Variants in SYNE1 observed in about 807,000 individuals in gnomAD.
SYNE1 encodes the protein nesprin-1.
Under a neutral mutation model 1,111.0 loss-of-function variants are expected in SYNE1, and 616 were observed. The observed-to-expected ratio is 0.55, with a 90% CI of 0.52 to 0.59. SYNE1 has a LOEUF of 0.59. Among genes scored for constraint, SYNE1 ranks in the 20% least tolerant of loss-of-function variants. SYNE1 has a pLI of 0.00. For synonymous variants in SYNE1, 3,855 were observed against 3,825.8 expected, an observed-to-expected ratio of 1.01 and a Z score of -0.28; for missense variants, 10,006 against 10,417.0, an observed-to-expected ratio of 0.96 and a Z score of 1.72.
chr6:152,263,055 G>A (rs1031739097), intron 100 of SYNE1, among the ~76,000 whole-genome samples: 2 of 151,342 alleles, frequency 1.3e-5, no homozygotes, highest in Non-Finnish European at 2.9e-5. Flanking sequence ...TACAGGACAT[G>A]GAGAGATAGT....
At chr6:152,448,840 A>AC (rs2098619558) in intron 28 of SYNE1, among the ~76,000 whole-genome samples, 2 of 149,170 alleles carry the variant, frequency 1.3e-5, no homozygotes, top group Admixed American at 6.6e-5. Context: ...CCTTGTCTCA[A>AC]AAAACAAACA....
Position 152,330,582 on chromosome 6 carries a change from G to A in SYNE1, c.14103C>T (p.Pro4701=), listed in dbSNP as rs772247507. ...EAQFLRMSKV[P]TDLAVEEALS... ...GAGCCTCCTCAACGGCCAGGTCGGT[G>A]GGAACTTTGCTCATCCTCAAGAATT... is the stretch of plus-strand genomic sequence containing the variant. Residue 4701 remains proline, a synonymous_variant, in exon 78 of 146, where the codon CCC becomes CCT. Coordinates refer to ENST00000367255, the MANE Select transcript of SYNE1 (RefSeq NM_182961.4). The A allele has an allele frequency of 6.2e-6, 10 of 1,613,664 alleles. No individual in the cohort carries two copies. Among genetic ancestry groups the A allele is most frequent in the South Asian group, 1.1e-5 (1 of 91,074 alleles).
At chr6:152,279,248 C>CA (rs2093862424) in intron 97 of SYNE1, among the ~76,000 whole-genome samples, 1 of 118,688 alleles carries the variant, frequency 8.4e-6, no homozygotes. Flanking sequence ...AGACTTAAAA[C>CA]AAAAAACAAA....
At chr6:152,480,555 A>G (rs2098885360) in intron 14 of SYNE1, among the ~76,000 whole-genome samples, 1 of 152,192 alleles carries the variant, frequency 6.6e-6, no homozygotes, top group African/African-American at 2.4e-5. Context: ...TTTCACCCTC[A>G]AAGCTTAGCT....
chr6:152,485,967 C>G (rs922269923), intron 12 of SYNE1, among the ~76,000 whole-genome samples: 1 of 152,032 alleles, frequency 6.6e-6, no homozygotes, highest in Admixed American at 6.5e-5. Context: ...GAGATCGAGG[C>G]GGGCGGATCA....
At chr6:152,306,780 G>A (rs1271646525) in intron 91 of SYNE1, among the ~76,000 whole-genome samples, 1 of 151,108 alleles carries the variant, frequency 6.6e-6, no homozygotes, top group African/African-American at 2.4e-5. Flanking sequence ...CCAAATACTT[G>A]GAGGCTGAGG....
chr6:152,474,054 G>A (rs896247713), intron 14 of SYNE1, among the ~76,000 whole-genome samples: 6 of 151,866 alleles, frequency 4.0e-5, no homozygotes, highest in African/African-American at 1.5e-4. Context: ...GCATGGTGGC[G>A]TGCACCTGTA....
Position 152,330,920 on chromosome 6 carries a change from T to C in SYNE1, c.13765A>G (p.Ile4589Val). The C allele has an allele frequency of 6.2e-7, 1 of 1,614,112 alleles. No individual in the cohort carries two copies. Among genetic ancestry groups the C allele is most frequent in the Non-Finnish European group, 8.5e-7 (1 of 1,179,956 alleles). Residue 4589 changes from isoleucine to valine, a missense_variant, in exon 78 of 146, where the codon ATC (isoleucine) becomes GTC (valine). Ile to Val is a conservative substitution (Grantham distance 29). Transcript: ENST00000367255. Reference sequence around the variant, plus strand: ...TCAGAACTCTCATTCATTAGGTTGATTTCAGGAAATGTAACAATATCTGCT... The same window carrying C: ...TCAGAACTCTCATTCATTAGGTTGACTTCAGGAAATGTAACAATATCTGCT... ...KQADIVTFPE[I>V]NLMNESSELH...
intron 93 of SYNE1, among the ~76,000 whole-genome samples, chr6:152,297,069 G>A (rs1355760868): frequency 6.6e-6 from 1 of 152,088 alleles, no homozygotes; most frequent in African/African-American, 2.4e-5. Flanking sequence ...TTAAATATTA[G>A]CTTCTGGAGG....
chr6:152,143,561 T>C, intron 138 of SYNE1, 62 bp downstream of exon 138: 1 of 1,611,058 alleles, frequency 6.2e-7, no homozygotes, highest in South Asian at 1.1e-5. Flanking sequence ...GCAGACGAAC[T>C]GTTCTTTGAC....
intron 126 of SYNE1, among the ~76,000 whole-genome samples, chr6:152,205,655 G>C (rs553070148): frequency 6.6e-6 from 1 of 152,216 alleles, no homozygotes; most frequent in African/African-American, 2.4e-5. Flanking sequence ...CTTACTGTGT[G>C]ATCAGTATGT....
chr6:152,189,229 T>C (rs771901595), intron 128 of SYNE1, 23 bp downstream of exon 128: 3 of 1,612,622 alleles, frequency 1.9e-6, no homozygotes, highest in Non-Finnish European at 2.5e-6. Context: ...TCAAGATAAT[T>C]CCATTTTTAG....
At chr6:152,420,379 A>G (rs1472133513) in intron 39 of SYNE1, among the ~76,000 whole-genome samples, 2 of 152,120 alleles carry the variant, frequency 1.3e-5, no homozygotes, top group Admixed American at 6.5e-5. Context: ...CAACAATTTG[A>G]GAGGACAAGG....
Position 152,336,390 on chromosome 6 carries a change from A to T in SYNE1, c.12528+451T>A, listed in dbSNP as rs561601551. On this transcript the variant is annotated intron_variant, in intron 76 of 145. Coordinates refer to ENST00000367255, the MANE Select transcript of SYNE1 (RefSeq NM_182961.4). ...TATTCCTTAAAGCAGCGGTCCCCAA[A>T]CTTTTTGGCACCTGGGATGGGTTTT... 1.4e-3 allele frequency: 280 copies of T among 206,750 alleles called. 1 individual carries two copies. The highest frequency in any genetic ancestry group is 4.2e-3 in the African/African-American group (181 of 43,208). 12.8% of individuals were successfully genotyped at this position (206,750 alleles called of 1,614,324 possible). A position where few individuals can be genotyped will look rare whatever the true frequency, so the allele number is the denominator to read the frequency against.
intron 127 of SYNE1, among the ~76,000 whole-genome samples, chr6:152,197,314 A>C (rs1168387235): frequency 1.3e-5 from 2 of 152,242 alleles, no homozygotes; most frequent in African/African-American, 4.8e-5. Context: ...CAGGGAGAAC[A>C]GTCAGTGGAG....
At chr6:152,288,058 G>C (rs953102438) in intron 95 of SYNE1, among the ~76,000 whole-genome samples, 1 of 151,636 alleles carries the variant, frequency 6.6e-6, no homozygotes, top group Non-Finnish European at 1.5e-5. Flanking sequence ...AATGCTAAAA[G>C]TATAAAATCT....
At chr6:152,192,262 T>C (rs894874444) in intron 127 of SYNE1, among the ~76,000 whole-genome samples, 2 of 152,082 alleles carry the variant, frequency 1.3e-5, no homozygotes, top group Non-Finnish European at 2.9e-5. Context: ...GTTAGGTCCA[T>C]TTGGTCTGCA....
chr6:152,204,833 A>G (rs1364566449), intron 126 of SYNE1, among the ~76,000 whole-genome samples: 1 of 152,204 alleles, frequency 6.6e-6, no homozygotes, highest in African/African-American at 2.4e-5. Flanking sequence ...AAGCAAATGT[A>G]GTGACTCAGA....
intron 89 of SYNE1, among the ~76,000 whole-genome samples, 172 bp from the exon 90 acceptor site, chr6:152,310,189 C>A (rs2095504747): frequency 6.6e-6 from 1 of 151,648 alleles, no homozygotes; most frequent in South Asian, 2.1e-4. Flanking sequence ...CGTCTGTAAC[C>A]CCAGCACTTT....
Sources: gnomAD v4.1 joint callset for allele counts (sites outside exome capture counted in the v4.1 genomes callset) on GRCh38, gnomAD v4.1.1 for gene constraint, MANE v1.5 for transcripts, NCBI Gene and HGNC (gene_info 2026-07-23, HGNC 2026-07-21) for gene names.